Variants in CBLN2 observed in about 807,000 individuals in gnomAD.
The protein encoded by CBLN2 is cerebellin-2.
CBLN2 carries 7 observed loss-of-function variants against 15.0 expected under a neutral mutation model. The observed-to-expected ratio is 0.47, with a 90% CI of 0.27 to 0.88. The LOEUF is 0.88. Ranked by LOEUF, CBLN2 falls within the 40% of genes least tolerant of loss-of-function variation. The pLI, the probability that CBLN2 is intolerant of heterozygous loss-of-function variation, is 0.14. For synonymous variants in CBLN2, 149 were observed against 135.2 expected (o/e 1.10, Z -0.71); for missense variants, 242 against 304.5 (o/e 0.79, Z 1.53).
intron 1 of CBLN2, among the ~76,000 whole-genome samples, chr18:72,580,588 T>A (rs896906807): frequency 6.6e-6 from 1 of 151,818 alleles, no homozygotes; most frequent in Non-Finnish European, 1.5e-5. Flanking sequence ...ATCACACACA[T>A]ATATATATAT....
At chr18:72,593,454 A>G (rs2069493429) in intron 1 of CBLN2, among the ~76,000 whole-genome samples, 3 of 152,180 alleles carry the variant, frequency 2.0e-5, no homozygotes, top group Admixed American at 1.3e-4. Context: ...AACATCTACA[A>G]AAAAGTATAA....
intron 1 of CBLN2, among the ~76,000 whole-genome samples, chr18:72,610,373 C>A (rs891835893): frequency 6.6e-6 from 1 of 152,172 alleles, no homozygotes; most frequent in African/African-American, 2.4e-5. Context: ...TGTTTCCCTT[C>A]TTATAAACTT....
intron 1 of CBLN2, among the ~76,000 whole-genome samples, chr18:72,632,076 A>C (rs1227310561): frequency 6.6e-6 from 1 of 152,118 alleles, no homozygotes; most frequent in African/African-American, 2.4e-5. Context: ...AAAACAATCA[A>C]GAGTTATATT....
chr18:72,601,834 C>G (rs1324048097), intron 1 of CBLN2, among the ~76,000 whole-genome samples: 2 of 152,186 alleles, frequency 1.3e-5, no homozygotes. Flanking sequence ...CTCTTTTGTA[C>G]AATAAACCTA....
At chr18:72,595,008 T>G (rs2069503897) in intron 1 of CBLN2, among the ~76,000 whole-genome samples, 1 of 151,962 alleles carries the variant, frequency 6.6e-6, no homozygotes, top group South Asian at 2.1e-4. Context: ...TATTGTGTTT[T>G]TTTTTTCAAT....
chr18:72,542,467 C>A (rs917047459), intron 2 of CBLN2, 141 bp from the exon 3 acceptor site: 1 of 180,886 alleles, frequency 5.5e-6, no homozygotes, highest in Non-Finnish European at 1.1e-5. Flanking sequence ...ACCCGCTTTC[C>A]GATCTGGCAC....
In CBLN2 at chr18:72,627,194, A is replaced by G. The variant is rs141753666; in HGVS notation, c.15+11131T>C. On this transcript the variant is annotated intron_variant, in intron 1 of 2. Transcript: ENST00000581073. Reference sequence around the variant, plus strand: ...GCATCACTAATAGACACAAACTAAAATTTACCCAAATGGCAATCAATAGCA... The same window carrying G: ...GCATCACTAATAGACACAAACTAAAGTTTACCCAAATGGCAATCAATAGCA... Among the ~76,000 whole-genome samples, 830 of 152,306 alleles carry G rather than the reference A, an allele frequency of 5.4e-3. 6 individuals carry two copies. The highest frequency in any genetic ancestry group is 0.027 in the South Asian group (131 of 4,826).
intron 1 of CBLN2, among the ~76,000 whole-genome samples, chr18:72,592,611 G>GTATTTTCTTATAGTAT (rs1226100550): frequency 2.0e-5 from 3 of 151,968 alleles, no homozygotes; most frequent in Non-Finnish European, 4.4e-5. Context: ...TCTTATAGTA[G>GTATTTTCTTATAGTAT]TTTCATAGTT....
intron 1 of CBLN2, among the ~76,000 whole-genome samples, chr18:72,588,878 C>A (rs981257702): frequency 6.6e-6 from 1 of 152,098 alleles, no homozygotes; most frequent in African/African-American, 2.4e-5. Context: ...CAAGCTGGAG[C>A]GTAATATTTG....
chr18:72,596,527 C>A (rs1466980654), intron 1 of CBLN2, among the ~76,000 whole-genome samples: 1 of 152,142 alleles, frequency 6.6e-6, no homozygotes, highest in African/African-American at 2.4e-5. Flanking sequence ...TTTTTACCTT[C>A]AGATGATTTC....
chr18:72,604,484 C>G (rs2069570287), intron 1 of CBLN2, among the ~76,000 whole-genome samples: 1 of 152,168 alleles, frequency 6.6e-6, no homozygotes, highest in Non-Finnish European at 1.5e-5. Flanking sequence ...TTAGGCAACA[C>G]ACAATTTATG....
intron 1 of CBLN2, among the ~76,000 whole-genome samples, chr18:72,610,369 C>G (rs1483358873): frequency 6.6e-6 from 1 of 152,118 alleles, no homozygotes; most frequent in African/African-American, 2.4e-5. Flanking sequence ...AAAATGTTTC[C>G]CTTCTTATAA....
intron 1 of CBLN2, among the ~76,000 whole-genome samples, chr18:72,627,333 G>A (rs1037897161): frequency 1.3e-5 from 2 of 152,132 alleles, no homozygotes; most frequent in African/African-American, 4.8e-5. Context: ...TCTTTAAAAA[G>A]GAAATGTGTC....
chr18:72,591,011 T>G (rs953490313), intron 1 of CBLN2, among the ~76,000 whole-genome samples: 16 of 152,232 alleles, frequency 1.1e-4, no homozygotes, highest in African/African-American at 3.9e-4. Context: ...CTGCTATATT[T>G]GATAGCTTTC....
chr18:72,553,351 A>C (rs940398045), intron 1 of CBLN2, among the ~76,000 whole-genome samples: 4 of 152,300 alleles, frequency 2.6e-5, no homozygotes, highest in African/African-American at 9.6e-5. Flanking sequence ...TGAGGGAAGG[A>C]GCGATAAACT....
In CBLN2 at chr18:72,542,134, G is replaced by C. The variant is rs780466365; in HGVS notation, c.27C>G (p.Leu9=). 108 of 1,349,698 alleles carry C rather than the reference G, an allele frequency of 8.0e-5. No individual in the cohort carries two copies. The African/African-American group carries it at 1.5e-3, about 18-fold the overall frequency. 83.6% of individuals were successfully genotyped at this position (1,349,698 alleles called of 1,614,324 possible). MQAPGRGP[L]GLRLMMPGRR... ...GCCCGGGCATCATCAGCCGCAGCCC[G>C]AGTGGCCCCCGGCCGGGCGCCTGCA... The change falls in exon 3 of 5, where the codon CTC becomes CTG. Residue 9 remains leucine, a synonymous_variant. Coordinates refer to ENST00000269503, the MANE Select transcript of CBLN2 (RefSeq NM_182511.4).
chr18:72,623,308 C>A (rs1304693545), intron 1 of CBLN2, among the ~76,000 whole-genome samples: 1 of 152,028 alleles, frequency 6.6e-6, no homozygotes, highest in Non-Finnish European at 1.5e-5. Context: ...TGATTTCTAC[C>A]CTCCCTGTGG....
chr18:72,586,477 T>C (rs549627452), intron 1 of CBLN2, among the ~76,000 whole-genome samples: 6 of 152,292 alleles, frequency 3.9e-5, no homozygotes, highest in Admixed American at 3.9e-4. Flanking sequence ...AGTGAAACAG[T>C]GACAGTGGAA....
intron 1 of CBLN2, among the ~76,000 whole-genome samples, chr18:72,610,705 T>C (rs552463903): frequency 4.6e-5 from 7 of 152,262 alleles, no homozygotes; most frequent in African/African-American, 1.7e-4. Context: ...ACAAACCCAG[T>C]GGTGGTAAAC....
Sources: gnomAD v4.1 joint callset for allele counts (sites outside exome capture counted in the v4.1 genomes callset) on GRCh38, gnomAD v4.1.1 for gene constraint, MANE v1.5 for transcripts, NCBI Gene and HGNC (gene_info 2026-07-23, HGNC 2026-07-21) for gene names.